TAF3: variants seen among roughly 807,000 people sequenced by gnomAD.
TAF3 encodes transcription initiation factor TFIID subunit 3.
TAF3 carries 7 observed loss-of-function variants against 80.6 expected under a neutral mutation model. The observed-to-expected ratio is 0.09, with a 90% confidence interval of 0.05 to 0.16. The LOEUF is 0.16. Ranked by LOEUF, TAF3 falls within the 10% of genes least tolerant of loss-of-function variation. TAF3 has a pLI of 1.00. For missense variants in TAF3, 921 were observed against 1,140.2 expected, an observed-to-expected ratio of 0.81 and a Z score of 2.77; for synonymous variants, 444 against 446.1, an observed-to-expected ratio of 1.00 and a Z score of 0.06.
intron 2 of TAF3, among the ~76,000 whole-genome samples, chr10:7,871,435 C>CTGTTTTTTT (rs1837263856): frequency 1.4e-5 from 1 of 69,116 alleles, no homozygotes; most frequent in African/African-American, 4.9e-5. Flanking sequence ...ATAACTGCTG[C>CTGTTTTTTT]TTTTTTTTTT....
At chr10:7,904,297 C>G (rs1021350525) in intron 2 of TAF3, among the ~76,000 whole-genome samples, 3 of 152,130 alleles carry the variant, frequency 2.0e-5, no homozygotes, top group African/African-American at 7.2e-5. Context: ...TCTGATGAGC[C>G]CTCCCTAACC....
chr10:7,901,574 TCAGCTTTTTTCC>T (rs1353390881), intron 2 of TAF3, among the ~76,000 whole-genome samples: 1 of 152,230 alleles, frequency 6.6e-6, no homozygotes, highest in African/African-American at 2.4e-5. Flanking sequence ...CATTTGGCCA[TCAGCTTTTTTCC>T]CATGATCTTT....
chr10:8,012,276 G>T (rs1266137714), intron 5 of TAF3, among the ~76,000 whole-genome samples: 1 of 152,164 alleles, frequency 6.6e-6, no homozygotes, highest in Non-Finnish European at 1.5e-5. Flanking sequence ...ACATACAAAG[G>T]CTAGAGAGCA....
chr10:7,989,750 G>A (rs904398304), intron 4 of TAF3, among the ~76,000 whole-genome samples: 3 of 152,050 alleles, frequency 2.0e-5, no homozygotes, highest in Admixed American at 6.5e-5. Flanking sequence ...ACAATATCTC[G>A]GCGTTTGGTA....
At chr10:7,909,780 A>C (rs1174242068) in intron 2 of TAF3, among the ~76,000 whole-genome samples, 1 of 152,140 alleles carries the variant, frequency 6.6e-6, no homozygotes, top group Non-Finnish European at 1.5e-5. Context: ...GCAGAATAGG[A>C]ATCAACAGAG....
At chr10:7,898,344 C>T (rs1042198370) in intron 2 of TAF3, among the ~76,000 whole-genome samples, 7 of 151,888 alleles carry the variant, frequency 4.6e-5, no homozygotes, top group East Asian at 1.9e-4. Context: ...GTCAGGAGTT[C>T]GACACCAGCC....
intron 2 of TAF3, among the ~76,000 whole-genome samples, chr10:7,923,591 AAAAC>A (rs1407641570): frequency 2.7e-5 from 4 of 148,246 alleles, no homozygotes; most frequent in African/African-American, 9.9e-5. Context: ...GCAAAAAAAC[AAAAC>A]AAAACAAAAC....
chr10:8,011,280 G>A (rs575758283), intron 5 of TAF3, among the ~76,000 whole-genome samples: 9 of 151,998 alleles, frequency 5.9e-5, no homozygotes, highest in African/African-American at 2.2e-4. Context: ...TTTTGAGGTA[G>A]TCTCACTCTT....
At position 7,920,110 on chromosome 10, in the gene TAF3, G is replaced by A. The variant is rs117701383; in HGVS notation, c.410-43810G>A. The stretch of plus-strand genomic sequence containing the variant: ...AATAAAAATAAAATAAAAATTAGCC[G>A]GGCATGTTGGCATGTGGCTGTATTC... On this transcript the variant is annotated intron_variant, in intron 2 of 6. Coordinates refer to ENST00000344293, the MANE Select transcript of TAF3 (RefSeq NM_031923.4). 1.4e-4 allele frequency among the ~76,000 whole-genome samples: 22 copies of A among 151,908 alleles called. No individual in the cohort carries two copies. The East Asian group carries it at 2.7e-3, about 19-fold the overall frequency.
chr10:7,856,719 CAA>C (rs1161763997), intron 2 of TAF3, among the ~76,000 whole-genome samples: 1 of 151,956 alleles, frequency 6.6e-6, no homozygotes, highest in African/African-American at 2.4e-5. Flanking sequence ...AGAAAATCTG[CAA>C]AGTGACTTGG....
chr10:7,989,236 A>G (rs1489766795), intron 4 of TAF3, among the ~76,000 whole-genome samples: 1 of 152,138 alleles, frequency 6.6e-6, no homozygotes, highest in Non-Finnish European at 1.5e-5. Flanking sequence ...CCTGGCTTAT[A>G]TGTGTTGCTT....
At position 7,964,227 on chromosome 10, in the gene TAF3, G is replaced by A. The variant is rs981079556; in HGVS notation, c.717G>A (p.Leu239=). 30 of 1,614,038 alleles carry A rather than the reference G, an allele frequency of 1.9e-5. No homozygotes were observed. The highest frequency in any genetic ancestry group is 2.3e-5 in the Non-Finnish European group (27 of 1,180,040). Residue 239 remains leucine, a synonymous_variant, in exon 3 of 7, where the codon TTG becomes TTA. Transcript: ENST00000344293. This position sits in a 1 kb window ranked among gnomAD's most constrained non-coding sequence, Gnocchi z 4.1. Reference sequence around the variant, plus strand: ...TCCATGTACAGGACAGTACAGACTTGGCACCTCCCTCACCCGAGCCGCCAA... The same window carrying A: ...TCCATGTACAGGACAGTACAGACTTAGCACCTCCCTCACCCGAGCCGCCAA... ...SPVHVQDSTD[L]APPSPEPPML...
At chr10:7,914,892 T>A (rs1837693765) in intron 2 of TAF3, among the ~76,000 whole-genome samples, 1 of 150,096 alleles carries the variant, frequency 6.7e-6, no homozygotes, top group Non-Finnish European at 1.5e-5. Flanking sequence ...CACATGTGCC[T>A]GCCACACCTC....
intron 1 of TAF3, among the ~76,000 whole-genome samples, chr10:7,821,375 A>G (rs1836689010): frequency 6.6e-6 from 1 of 152,194 alleles, no homozygotes; most frequent in Non-Finnish European, 1.5e-5. Flanking sequence ...TGTTTTAACA[A>G]ACACTTACTG....
At position 7,863,626 on chromosome 10, in the gene TAF3, A is replaced by AATATAT. The variant is rs1554778360; in HGVS notation, c.409+39082_409+39087dup. ...CTCTGTCTAAAAAAAAAAAAAAAAA[A>AATATAT]ATATATATATATATATATATACACA... On this transcript the variant is annotated intron_variant, in intron 2 of 6. Coordinates refer to ENST00000344293, the MANE Select transcript of TAF3 (RefSeq NM_031923.4). Among the ~76,000 whole-genome samples the AATATAT allele has an allele frequency of 2.7e-4, 13 of 48,098 alleles. 1 individual carries two copies. Among genetic ancestry groups the AATATAT allele is most frequent in the South Asian group, 9.7e-4 (1 of 1,034 alleles). The allele number at this position is 48,098 out of a possible 152,430, so 31.6% of individuals were successfully genotyped here. A position where few individuals can be genotyped will look rare whatever the true frequency, so the allele number is the denominator to read the frequency against.
At chr10:7,821,969 A>G (rs1248702541) in intron 1 of TAF3, among the ~76,000 whole-genome samples, 1 of 152,238 alleles carries the variant, frequency 6.6e-6, no homozygotes, top group Non-Finnish European at 1.5e-5. Flanking sequence ...TCAGCTCCCT[A>G]TGCAGCTAGT....
chr10:7,988,406 A>T (rs1564378118), intron 4 of TAF3, among the ~76,000 whole-genome samples: 1 of 151,834 alleles, frequency 6.6e-6, no homozygotes, highest in Admixed American at 6.6e-5. Context: ...CCTGGCCAAC[A>T]TGGTGAAACC....
intron 2 of TAF3, among the ~76,000 whole-genome samples, chr10:7,853,625 T>C (rs998363645): frequency 5.9e-5 from 9 of 152,364 alleles, no homozygotes; most frequent in African/African-American, 2.2e-4. Flanking sequence ...TTCCTTGTTT[T>C]GCTTTAGATT....
intron 4 of TAF3, among the ~76,000 whole-genome samples, chr10:7,996,870 T>C (rs1311598331): frequency 6.7e-6 from 1 of 150,362 alleles, no homozygotes; most frequent in Non-Finnish European, 1.5e-5. Flanking sequence ...TATTTTTGTA[T>C]TTTTGTAGAG....
Sources: gnomAD v4.1 joint callset for allele counts (sites outside exome capture counted in the v4.1 genomes callset) on GRCh38, gnomAD v4.1.1 for gene constraint, Gnocchi (gnomAD v3.1) non-coding constraint, MANE v1.5 for transcripts, NCBI Gene and HGNC (gene_info 2026-07-23, HGNC 2026-07-21) for gene names.